The following MROH2B variants were observed in gnomAD, a reference collection of about 807,000 sequenced individuals.
MROH2B encodes the protein maestro heat-like repeat-containing protein family member 2B.
MROH2B carries 177 observed loss-of-function variants against 208.6 expected under a neutral mutation model. The observed-to-expected ratio is 0.85, with a 90% CI of 0.75 to 0.96. The LOEUF (loss-of-function observed/expected upper bound fraction) is 0.96, where lower values mean the gene tolerates loss of function less well. MROH2B is among the 40% of genes least tolerant of loss of function. MROH2B has a pLI of 0.00. For synonymous variants in MROH2B, 728 were observed against 659.0 expected (o/e 1.10, Z -1.60); for missense variants, 2,002 against 1,878.7 (o/e 1.07, Z -1.21).
chr5:41,005,776 A>G (rs1741568517), intron 34 of MROH2B, 131 bp from the exon 35 acceptor site: 2 of 748,518 alleles, frequency 2.7e-6, no homozygotes, highest in Non-Finnish European at 4.4e-6. Flanking sequence ...CATGCCTGTA[A>G]TCCTAGAACT....
intron 4 of MROH2B, 97 bp downstream of exon 4, chr5:41,065,234 A>C: frequency 8.3e-7 from 1 of 1,198,122 alleles, no homozygotes; most frequent in Non-Finnish European, 1.1e-6. Context: ...AGAAGAAGGC[A>C]GAGATGCTAT....
At chr5:41,010,451 G>C (rs1489843201) in intron 30 of MROH2B, among the ~76,000 whole-genome samples, 1 of 152,112 alleles carries the variant, frequency 6.6e-6, no homozygotes, top group Admixed American at 6.5e-5. Context: ...GTATACATGA[G>C]GTGCATACAA....
intron 5 of MROH2B, 63 bp from the exon 6 acceptor site, chr5:41,061,787 A>C: frequency 1.3e-6 from 2 of 1,516,554 alleles, no homozygotes; most frequent in South Asian, 1.3e-5. Context: ...ACGATAAAAT[A>C]ATTTGAGAAG....
intron 9 of MROH2B, 94 bp downstream of exon 9, chr5:41,057,015 G>T: frequency 2.4e-6 from 3 of 1,226,204 alleles, no homozygotes; most frequent in South Asian, 2.5e-5. Flanking sequence ...GTGTGTGAAA[G>T]TAAGTTAATG....
chr5:41,064,429 C>T (rs1579961522), intron 5 of MROH2B, 43 bp downstream of exon 5: 2 of 1,529,864 alleles, frequency 1.3e-6, no homozygotes, highest in East Asian at 2.3e-5. Flanking sequence ...AGACAGTTCA[C>T]AGCCTGGTTT....
intron 20 of MROH2B, 120 bp from the exon 21 acceptor site, chr5:41,039,008 G>A (rs1216139161): frequency 1.4e-5 from 12 of 886,658 alleles, no homozygotes; most frequent in Admixed American, 1.1e-4. Flanking sequence ...GGGATGATTC[G>A]AATAAGTCTA....
chr5:41,027,066 A>T lies in MROH2B; in HGVS notation c.2441+5676T>A, dbSNP rs188109177. 4.8e-3 allele frequency among the ~76,000 whole-genome samples: 733 copies of T among 152,360 alleles called. 10 individuals carry two copies. Among genetic ancestry groups the T allele is most frequent in the African/African-American group, 0.017 (704 of 41,578 alleles). ...GATGGATTAAAGACTTAAATGCTAG[A>T]CGTAAAACCATAAAAACCCTAGAAG... On this transcript the variant is annotated intron_variant, in intron 24 of 41. Transcript: ENST00000399564.
intron 24 of MROH2B, 95 bp from the exon 25 acceptor site, chr5:41,019,113 G>A: frequency 6.7e-6 from 10 of 1,483,346 alleles, no homozygotes; most frequent in Non-Finnish European, 9.2e-6. Flanking sequence ...ATCTGACCAG[G>A]CAACTAACGT....
chr5:41,023,160 TC>T (rs1742218923), intron 24 of MROH2B, among the ~76,000 whole-genome samples: 2 of 152,118 alleles, frequency 1.3e-5, no homozygotes, highest in Admixed American at 1.3e-4. Flanking sequence ...GGAAAGCAGC[TC>T]CTCACAAGCA....
At chr5:41,063,271 TA>T (rs1396451204) in intron 5 of MROH2B, among the ~76,000 whole-genome samples, 2 of 152,222 alleles carry the variant, frequency 1.3e-5, no homozygotes, top group African/African-American at 2.4e-5. Flanking sequence ...GTAGGAATAG[TA>T]AAAAGTATTG....
Position 41,064,614 on chromosome 5 carries a change from C to T in MROH2B, c.362-44G>A, listed in dbSNP as rs1743744114. ...AGGAGACAAGTGTTATTTATCTTCT[C>T]AAATTTGGGGTTCTGTGACTCCAAA... On this transcript the variant is annotated intron_variant, in intron 4 of 41. Coordinates refer to ENST00000399564, the MANE Select transcript of MROH2B (RefSeq NM_173489.5). 3 of 1,510,312 alleles carry T rather than the reference C, an allele frequency of 2.0e-6. No homozygotes were observed. In the South Asian group the frequency reaches 3.5e-5, roughly 18 times the overall value. The allele number at this position is 1,510,312 out of a possible 1,614,324, so 93.6% of individuals were successfully genotyped here. A position where few individuals can be genotyped will look rare whatever the true frequency, so the allele number is the denominator to read the frequency against.
At chr5:41,036,029 T>C (rs1360434984) in intron 21 of MROH2B, among the ~76,000 whole-genome samples, 2 of 152,078 alleles carry the variant, frequency 1.3e-5, no homozygotes, top group African/African-American at 4.8e-5. Flanking sequence ...AAAAGACACA[T>C]GCACTCATAT....
intron 33 of MROH2B, among the ~76,000 whole-genome samples, 171 bp from the exon 34 acceptor site, chr5:41,007,625 G>A (rs1051219933): frequency 2.0e-5 from 3 of 152,132 alleles, no homozygotes; most frequent in Non-Finnish European, 4.4e-5. Flanking sequence ...GGGATCCATG[G>A]GGACATGCAG....
In MROH2B at chr5:41,064,563, C is replaced by T; in HGVS notation, c.369G>A (p.Gln123=). Residue 123 remains glutamine (Q), a synonymous_variant, in exon 5 of 42, where the codon CAG becomes CAA. Transcript: ENST00000399564. ...GGGTCATCATCATGAAAGGAATACT[C>T]TGGGACACTGGAGGGAGAGGCAGAA... ...LAELATSYVS[Q]SIPFMMMTLL... The T allele has an allele frequency of 6.2e-7, 1 of 1,611,530 alleles. No individual in the cohort carries two copies. The highest frequency in any genetic ancestry group is 8.5e-7 in the Non-Finnish European group (1 of 1,178,276).
In MROH2B at chr5:41,018,947, G is replaced by T. The variant is rs1172265179; in HGVS notation, c.2513C>A (p.Pro838His). The change falls in exon 25 of 42, where the codon CCC becomes CAC. Residue 838 changes from proline to histidine, a missense_variant. Pro to His is a moderately conservative substitution (Grantham distance 77, BLOSUM62 -2). Transcript: ENST00000399564. ...TTTCAGATTTTCCAGAGGTGGAAGG[G>T]GCAGCAGCCTCCGAATATTCTCCTC... Reference protein sequence around the residue: ...ILEENIRRLLPLPPLENLKSE... With the variant: ...ILEENIRRLLHLPPLENLKSE... 3.1e-6 allele frequency: 5 copies of T among 1,613,688 alleles called. No individual in the cohort carries two copies. The highest frequency in any genetic ancestry group is 4.2e-6 in the Non-Finnish European group (5 of 1,179,864).
At chr5:41,052,078 C>T (rs917985764) in intron 12 of MROH2B, among the ~76,000 whole-genome samples, 9 of 151,972 alleles carry the variant, frequency 5.9e-5, no homozygotes, top group Non-Finnish European at 1.2e-4. Context: ...ATCTCTATTG[C>T]TTTCTCGGAA....
At position 40,998,089 on chromosome 5, in the gene MROH2B, AG is replaced by A. The variant is rs772137761; in HGVS notation, c.4720del (p.Leu1574SerfsTer2). The A allele has an allele frequency of 1.9e-6, 3 of 1,612,452 alleles. No homozygotes were observed. Among genetic ancestry groups the A allele is most frequent in the Non-Finnish European group, 1.7e-6 (2 of 1,178,692 alleles). The stretch of plus-strand genomic sequence containing the variant: ...GCTTGTCTCTTTACACCTTCTCAGG[AG>A]GGTTTGCAAAGCAGCCTCAGCTGCT... The part of the protein sequence containing the change: ...QRAAEAALQT[L>X]LRRCKETSIP... On this transcript the variant is annotated frameshift_variant, in exon 42 of 42. Coordinates refer to ENST00000399564, the MANE Select transcript of MROH2B (RefSeq NM_173489.5). LOFTEE classifies it high-confidence loss of function.
At position 41,000,290 on chromosome 5, in the gene MROH2B, A is replaced by C; in HGVS notation, c.4412T>G (p.Val1471Gly). ...ATCCTGATCAAGGAGACGGTCTAAT[A>C]CCCCATAGAGCTCCTGGAGGCCCAA... ...PFLGLQELYG[V>G]LDRLLDQDLP... Residue 1471 changes from valine (V) to glycine (G), a missense_variant, in exon 39 of 42, where the codon GTA (valine) becomes GGA (glycine). Coordinates refer to ENST00000399564, the MANE Select transcript of MROH2B (RefSeq NM_173489.5). 1 of 1,613,820 alleles carries C rather than the reference A, an allele frequency of 6.2e-7. No individual in the cohort carries two copies. The highest frequency in any genetic ancestry group is 8.5e-7 in the Non-Finnish European group (1 of 1,179,802).
At chr5:41,032,271 A>G (rs325829) in intron 24 of MROH2B, among the ~76,000 whole-genome samples, 116,562 of 152,026 alleles carry the variant, frequency 0.77, 45,032 homozygotes, top group Non-Finnish European at 0.82. Context: ...TCTGATTGGC[A>G]TGAGATGCTA....
Sources: gnomAD v4.1 joint callset for allele counts (sites outside exome capture counted in the v4.1 genomes callset) on GRCh38, gnomAD v4.1.1 for gene constraint, MANE v1.5 for transcripts, NCBI Gene and HGNC (gene_info 2026-07-23, HGNC 2026-07-21) for gene names.